B4GALT1: variants seen among roughly 807,000 people sequenced by gnomAD.
B4GALT1 encodes the protein N-acetyllactosamine synthase.
B4GALT1 carries 16 observed loss-of-function variants against 34.9 expected under a neutral mutation model. The ratio of observed to expected loss-of-function variants is 0.46; its 90% confidence interval spans 0.31 to 0.70. The LOEUF (loss-of-function observed/expected upper bound fraction) is 0.70, where lower values mean the gene tolerates loss of function less well. Ranked by LOEUF, B4GALT1 falls within the 30% of genes least tolerant of loss-of-function variation. The probability of loss-of-function intolerance (pLI) is 0.05; values close to 1 mark genes in which losing one functional copy is unlikely to be tolerated. For synonymous variants in B4GALT1, 221 were observed against 218.1 expected (o/e 1.01, Z -0.12); for missense variants, 445 against 530.5 (o/e 0.84, Z 1.58).
At chr9:33,181,423 T>TACACACACACACACAC in the B4GALT1 span, among the ~76,000 whole-genome samples, 5,874 of 136,924 alleles carry the variant, frequency 0.043, 187 homozygotes, top group East Asian at 0.093. Flanking sequence ...GACCCTGTCT[T>TACACACACACACACAC]ACACACACAC....
At chr9:33,117,638 G>C (rs562736847) in intron 3 of B4GALT1, among the ~76,000 whole-genome samples, 2 of 152,278 alleles carry the variant, frequency 1.3e-5, no homozygotes, top group South Asian at 4.1e-4. Context: ...AAACCATACA[G>C]AACATATGAA....
At chr9:33,122,941 C>T (rs1175755129) in intron 2 of B4GALT1, among the ~76,000 whole-genome samples, 5 of 151,858 alleles carry the variant, frequency 3.3e-5, no homozygotes, top group Non-Finnish European at 7.4e-5. Flanking sequence ...GTCAGGAGTT[C>T]GAGACCAGCC....
downstream of B4GALT1, among the ~76,000 whole-genome samples, chr9:33,110,097 T>G (rs1839836552): frequency 6.6e-6 from 1 of 152,242 alleles, no homozygotes; most frequent in South Asian, 2.1e-4. Context: ...TCCTGCTCAC[T>G]GGTTTCCTGC....
In B4GALT1 at chr9:33,113,848, G is replaced by A. The variant is rs1431738117; in HGVS notation, c.990C>T (p.Arg330=). 1 of 1,614,172 alleles carries A rather than the reference G, an allele frequency of 6.2e-7. No individual in the cohort carries two copies. The highest frequency in any genetic ancestry group is 8.5e-7 in the Non-Finnish European group (1 of 1,180,022). The change falls in exon 5 of 6, where the codon CGC becomes CGT. Residue 330 remains arginine, a synonymous_variant. Transcript: ENST00000379731. ...RLVFRGMSIS[R]PNAVVGRCRM... Reference sequence around the variant, plus strand: ...GACACCTCCCGACCACAGCATTTGGGCGAGATATAGACATGCCTCTAAAAA... The same window carrying A: ...GACACCTCCCGACCACAGCATTTGGACGAGATATAGACATGCCTCTAAAAA...
intron 1 of B4GALT1, among the ~76,000 whole-genome samples, chr9:33,155,785 C>T (rs377147476): frequency 6.6e-6 from 1 of 152,156 alleles, no homozygotes; most frequent in South Asian, 2.1e-4. Context: ...TGACTGTATG[C>T]CTTTTGTGCC....
chr9:33,135,914 T>TGTGTGC (rs1338253353), intron 1 of B4GALT1, among the ~76,000 whole-genome samples: 1 of 150,560 alleles, frequency 6.6e-6, no homozygotes, highest in East Asian at 2.0e-4. Flanking sequence ...TGTGTGTATG[T>TGTGTGC]GTGTGTGTGT....
At chr9:33,182,403 A>G in the B4GALT1 span, among the ~76,000 whole-genome samples, 1 of 152,224 alleles carries the variant, frequency 6.6e-6, no homozygotes, top group South Asian at 2.1e-4. Flanking sequence ...TTCGGATAGA[A>G]ATGAATTTTG....
At chr9:33,140,017 T>G (rs1321731548) in intron 1 of B4GALT1, among the ~76,000 whole-genome samples, 1 of 152,248 alleles carries the variant, frequency 6.6e-6, no homozygotes, top group Non-Finnish European at 1.5e-5. Context: ...TGGCCTTGCA[T>G]GTAAGTCGCT....
chr9:33,153,999 AG>A, intron 1 of B4GALT1, among the ~76,000 whole-genome samples: 1 of 104,120 alleles, frequency 9.6e-6, no homozygotes, highest in Admixed American at 1.4e-4. Context: ...AAGGGAGGGG[AG>A]GGGAGAGAGA....
chr9:33,176,840 A>AT, the B4GALT1 span, among the ~76,000 whole-genome samples: 2 of 151,672 alleles, frequency 1.3e-5, no homozygotes, highest in African/African-American at 2.4e-5. Context: ...CAAATCTAAC[A>AT]TTTTTTTTTA....
In B4GALT1 at chr9:33,113,000, T is replaced by G. The variant is rs569460810; in HGVS notation, c.*454A>C. 1 of 260,306 alleles carries G rather than the reference T, an allele frequency of 3.8e-6. No individual in the cohort carries two copies. The highest frequency in any genetic ancestry group is 7.6e-6 in the Non-Finnish European group (1 of 131,270). 16.1% of individuals were successfully genotyped at this position (260,306 alleles called of 1,614,324 possible). A position where few individuals can be genotyped will look rare whatever the true frequency, so the allele number is the denominator to read the frequency against. Reference sequence around the variant, plus strand: ...ACGTAACATTAAGAATGGTTGAAATTTTGTGTTTTTCTGTTAAATTACAAC... The same window carrying G: ...ACGTAACATTAAGAATGGTTGAAATGTTGTGTTTTTCTGTTAAATTACAAC... On this transcript the variant is annotated 3_prime_UTR_variant, in exon 6 of 6. Coordinates refer to ENST00000379731, the MANE Select transcript of B4GALT1 (RefSeq NM_001497.4).
intron 1 of B4GALT1, among the ~76,000 whole-genome samples, chr9:33,137,252 T>A (rs1160572036): frequency 6.6e-6 from 1 of 152,194 alleles, no homozygotes; most frequent in Non-Finnish European, 1.5e-5. Flanking sequence ...CTGTCCACAC[T>A]TTTCTCTTTG....
At chr9:33,127,064 T>C (rs960498676) in intron 2 of B4GALT1, among the ~76,000 whole-genome samples, 1 of 152,058 alleles carries the variant, frequency 6.6e-6, no homozygotes, top group African/African-American at 2.4e-5. Context: ...CGGGTTCATA[T>C]CATTCTCCTG....
At chr9:33,154,036 AGGGAGGG>A in intron 1 of B4GALT1, among the ~76,000 whole-genome samples, 7 of 14,160 alleles carry the variant, frequency 4.9e-4, no homozygotes, top group Non-Finnish European at 7.9e-4. Context: ...GAAGGAAGGG[AGGGAGGG>A]AGGGAGGGAG....
Position 33,134,002 on chromosome 9 carries a change from C to T in B4GALT1, c.648+1187G>A, listed in dbSNP as rs140455699. On this transcript the variant is annotated intron_variant, in intron 2 of 5. Transcript: ENST00000379731. ...TGCTCTCTCTCCTTCCTCTGAGCTT[C>T]CAAAGCATTTGGCAGCCACCATCCA... Among the ~76,000 whole-genome samples, 980 of 152,334 alleles carry T rather than the reference C, an allele frequency of 6.4e-3. 8 individuals carry two copies. The highest frequency in any genetic ancestry group is 8.7e-3 in the Non-Finnish European group (595 of 68,016).
chr9:33,132,496 TC>T (rs1372779529), intron 2 of B4GALT1, among the ~76,000 whole-genome samples: 1 of 152,222 alleles, frequency 6.6e-6, no homozygotes, highest in East Asian at 1.9e-4. Flanking sequence ...CGTATTTCGC[TC>T]CATTTGGGGA....
intron 1 of B4GALT1, among the ~76,000 whole-genome samples, chr9:33,145,284 C>T (rs1840409713): frequency 6.6e-6 from 1 of 152,186 alleles, no homozygotes; most frequent in African/African-American, 2.4e-5. Flanking sequence ...AACGGATGGC[C>T]TAACCTCCTA....
chr9:33,119,200 A>C (rs1487427847), intron 3 of B4GALT1, among the ~76,000 whole-genome samples: 2 of 152,232 alleles, frequency 1.3e-5, no homozygotes, highest in Non-Finnish European at 2.9e-5. Context: ...GTTAATATAA[A>C]CACGGAATTA....
chr9:33,147,296 T>C (rs1362192352), intron 1 of B4GALT1, among the ~76,000 whole-genome samples: 1 of 150,308 alleles, frequency 6.7e-6, no homozygotes, highest in Non-Finnish European at 1.5e-5. Context: ...CATCACCCAG[T>C]CTGGAGTGCA....
Sources: allele counts gnomAD v4.1 joint callset (sites outside exome capture counted in the v4.1 genomes callset), GRCh38; gene constraint gnomAD v4.1.1; transcripts MANE v1.5; gene names NCBI Gene and HGNC (gene_info 2026-07-23, HGNC 2026-07-21).